The following SYTL5 variants were observed in gnomAD, a reference collection of about 807,000 sequenced individuals.
The protein encoded by SYTL5 is synaptotagmin-like protein 5.
In SYTL5, 34 loss-of-function variants were observed where a neutral mutation model predicts 55.9. That is an observed-to-expected ratio of 0.61 (90% CI 0.46 to 0.81). SYTL5 has a LOEUF of 0.81. Ranked by LOEUF, SYTL5 falls within the 30% of genes least tolerant of loss-of-function variation. The probability of loss-of-function intolerance (pLI) is 0.00; values close to 1 mark genes in which losing one functional copy is unlikely to be tolerated. For synonymous variants in SYTL5, 221 were observed against 188.7 expected (o/e 1.17, Z -1.40); for missense variants, 637 against 546.7 (o/e 1.17, Z -1.65).
intron 13 of SYTL5, among the ~76,000 whole-genome samples, chrX:38,116,487 C>T (rs1005724811): frequency 8.9e-5 from 10 of 112,252 alleles, no homozygotes; most frequent in Non-Finnish European, 1.9e-5. Flanking sequence ...AATTCTCCTC[C>T]TAATGCATCA....
At chrX:38,046,625 C>G (rs1206553550) in intron 2 of SYTL5, among the ~76,000 whole-genome samples, 1 of 111,428 alleles carries the variant, frequency 9.0e-6, no homozygotes, top group African/African-American at 3.3e-5. Flanking sequence ...CTGCCTCTTG[C>G]CCTTCCCAAA....
rs1241950500 is a variant in SYTL5 at position 38,106,675 on chromosome X, A to G, written c.1238A>G (p.His413Arg). 4 of 1,210,033 alleles carry G rather than the reference A, an allele frequency of 3.3e-6. No homozygotes were observed. Among genetic ancestry groups the G allele is most frequent in the Non-Finnish European group, 4.5e-6 (4 of 894,602 alleles). Residue 413 changes from histidine to arginine, a missense_variant, in exon 11 of 17, where the codon CAT (histidine) becomes CGT (arginine). His to Arg is a conservative substitution (Grantham distance 29, BLOSUM62 0). Transcript: ENST00000297875. ...NVKVSGEILL[H>R]ISYCYKTGGL... is the part of the protein sequence containing the mutation. ...AAAGTCAGTGGTGAAATCCTTCTCC[A>G]TATCAGCTACTGCTACAAAACTGGT...
At position 38,127,030 on chromosome X, in the gene SYTL5, G is replaced by A. The variant is rs910130387; in HGVS notation, c.*300G>A. The A allele has an allele frequency of 1.5e-5, 3 of 204,211 alleles. No individual in the cohort carries two copies. The highest frequency in any genetic ancestry group is 2.7e-5 in the Non-Finnish European group (3 of 112,333). The allele number at this position is 204,211 out of a possible 1,213,427, so 16.8% of individuals were successfully genotyped here. On this transcript the variant is annotated 3_prime_UTR_variant, in exon 17 of 17. Coordinates refer to ENST00000297875, the MANE Select transcript of SYTL5 (RefSeq NM_138780.3). Reference sequence around the variant, plus strand: ...TTATGCCATAAAAGAAATGGCACAAGCCTCCATTTGCTAATTATAAGTTAC... The same window carrying A: ...TTATGCCATAAAAGAAATGGCACAAACCTCCATTTGCTAATTATAAGTTAC...
the SYTL5 span, among the ~76,000 whole-genome samples, chrX:37,981,966 G>GCCA: frequency 1.8e-5 from 2 of 111,722 alleles, no homozygotes; most frequent in East Asian, 5.6e-4. Context: ...ACCCAGAGTT[G>GCCA]CCACAACATA....
At chrX:37,904,263 T>A in the SYTL5 span, among the ~76,000 whole-genome samples, 2 of 82,135 alleles carry the variant, frequency 2.4e-5, no homozygotes, top group Admixed American at 1.5e-4. Context: ...TGTGGGGTGG[T>A]CCGGGGGGGG....
chrX:37,943,504 G>T, the SYTL5 span, among the ~76,000 whole-genome samples: 1 of 111,191 alleles, frequency 9.0e-6, no homozygotes, highest in Non-Finnish European at 1.9e-5. Flanking sequence ...AAACCTCAGG[G>T]TAAGGGTGAC....
the SYTL5 span, among the ~76,000 whole-genome samples, chrX:37,964,071 A>G: frequency 8.1e-5 from 9 of 111,717 alleles, no homozygotes; most frequent in Non-Finnish European, 1.7e-4. Flanking sequence ...TTAATCACCA[A>G]TATGATAGTA....
At chrX:38,077,568 T>C (rs138285640) in intron 6 of SYTL5, among the ~76,000 whole-genome samples, 3,837 of 110,941 alleles carry the variant, frequency 0.035, 65 homozygotes, top group Middle Eastern at 0.07. Context: ...ATTTTGACTA[T>C]TGGGTTATTT....
chrX:37,969,629 A>G, the SYTL5 span, among the ~76,000 whole-genome samples: 1 of 112,093 alleles, frequency 8.9e-6, no homozygotes, highest in African/African-American at 3.2e-5. Flanking sequence ...AAGAGCCATC[A>G]TTCAAGGCCT....
At chrX:38,080,024 C>T (rs759050585) in intron 6 of SYTL5, among the ~76,000 whole-genome samples, 12 of 111,586 alleles carry the variant, frequency 1.1e-4, no homozygotes, top group Middle Eastern at 4.6e-3. Flanking sequence ...AGTTTAACTG[C>T]GAGTTCTGTA....
chrX:38,037,171 C>A (rs971251420), intron 2 of SYTL5, among the ~76,000 whole-genome samples: 1 of 111,946 alleles, frequency 8.9e-6, no homozygotes, highest in African/African-American at 3.3e-5. Context: ...CAATGGTTGA[C>A]GGGTACAGAA....
chrX:37,983,000 T>A, the SYTL5 span, among the ~76,000 whole-genome samples: 2 of 110,969 alleles, frequency 1.8e-5, no homozygotes, highest in African/African-American at 6.5e-5. Context: ...AGTTAACATA[T>A]GATAAGCCCT....
intron 10 of SYTL5, among the ~76,000 whole-genome samples, chrX:38,104,529 T>A (rs1937159101): frequency 8.9e-6 from 1 of 112,025 alleles, no homozygotes; most frequent in African/African-American, 3.2e-5. Context: ...TCCAAATAAT[T>A]ATGGAATTAT....
chrX:37,940,227 T>C, the SYTL5 span, among the ~76,000 whole-genome samples: 1 of 110,925 alleles, frequency 9.0e-6, no homozygotes, highest in Non-Finnish European at 1.9e-5. Flanking sequence ...TGATCCTGAT[T>C]CTTGAAAGAG....
intron 14 of SYTL5, among the ~76,000 whole-genome samples, chrX:38,120,909 A>G (rs1246006014): frequency 2.7e-5 from 3 of 111,620 alleles, no homozygotes; most frequent in African/African-American, 9.8e-5. Context: ...TCCCCTTTGT[A>G]TTAAGCTGTT....
At chrX:38,041,310 A>G (rs988400719) in intron 2 of SYTL5, among the ~76,000 whole-genome samples, 3 of 112,304 alleles carry the variant, frequency 2.7e-5, no homozygotes, top group Non-Finnish European at 5.6e-5. Flanking sequence ...CTTTTAATAC[A>G]CTATAAATGT....
At chrX:37,968,508 G>A in the SYTL5 span, among the ~76,000 whole-genome samples, 1 of 111,490 alleles carries the variant, frequency 9.0e-6, no homozygotes, top group Non-Finnish European at 1.9e-5. Context: ...TTCTGTGGGA[G>A]GGGCACCCAT....
intron 6 of SYTL5, among the ~76,000 whole-genome samples, chrX:38,078,845 T>C (rs1032631938): frequency 1.8e-5 from 2 of 112,303 alleles, no homozygotes; most frequent in African/African-American, 6.5e-5. Context: ...TGAAAGAAAG[T>C]CCCTAAGTAG....
intron 2 of SYTL5, among the ~76,000 whole-genome samples, chrX:38,035,619 G>A (rs1395543380): frequency 3.6e-5 from 4 of 110,166 alleles, no homozygotes; most frequent in East Asian, 2.8e-4. Flanking sequence ...ATTTCTGGCC[G>A]GGCGTGGTGG....
Sources: allele counts gnomAD v4.1 joint callset (sites outside exome capture counted in the v4.1 genomes callset), GRCh38; gene constraint gnomAD v4.1.1; transcripts MANE v1.5; gene names NCBI Gene and HGNC (gene_info 2026-07-23, HGNC 2026-07-21).